Variants in KDM4C observed in about 807,000 individuals in gnomAD.
The protein encoded by KDM4C is lysine-specific demethylase 4C.
A neutral mutation model predicts 129.3 loss-of-function variants in KDM4C; 81 were observed. The ratio of observed to expected loss-of-function variants is 0.63; its 90% CI spans 0.52 to 0.75. The LOEUF (loss-of-function observed/expected upper bound fraction) is 0.75. KDM4C is among the 30% of genes least tolerant of loss of function. The pLI, the probability that KDM4C is intolerant of heterozygous loss-of-function variation, is 0.00. For missense variants in KDM4C, 1,457 were observed against 1,304.0 expected (o/e 1.12, Z -1.81); for synonymous variants, 573 against 456.1 (o/e 1.26, Z -3.26).
intron 19 of KDM4C, among the ~76,000 whole-genome samples, chr9:7,163,465 G>A (rs1844025261): frequency 6.6e-6 from 1 of 152,070 alleles, no homozygotes; most frequent in African/African-American, 2.4e-5. Flanking sequence ...CTAAGAGGGG[G>A]TGAAGATGAG....
intron 4 of KDM4C, among the ~76,000 whole-genome samples, chr9:6,845,319 A>G (rs147781891): frequency 6.6e-6 from 1 of 152,148 alleles, no homozygotes; most frequent in East Asian, 1.9e-4. Flanking sequence ...GGCTCAATTG[A>G]TCCTCCCATC....
chr9:6,754,880 TAAAA>T (rs58382779), upstream of KDM4C, among the ~76,000 whole-genome samples: 5,532 of 83,232 alleles, frequency 0.066, 92 homozygotes, highest in Non-Finnish European at 0.081. Flanking sequence ...TGTCTCAAAG[TAAAA>T]AAAAAAAAAA....
intron 8 of KDM4C, among the ~76,000 whole-genome samples, chr9:6,931,110 C>T (rs185626234): frequency 2.5e-4 from 38 of 152,004 alleles, no homozygotes; most frequent in African/African-American, 8.9e-4. Flanking sequence ...ACTTGGAACC[C>T]TCTCTCTTCT....
At chr9:6,732,574 G>A (rs115432212) in intron 1 of KDM4C, among the ~76,000 whole-genome samples, 2,063 of 152,078 alleles carry the variant, frequency 0.014, 48 homozygotes, top group African/African-American at 0.046. Context: ...GAAGGTTAAG[G>A]AGGGAAGCCA....
chr9:6,827,137 G>A (rs1455688783), intron 4 of KDM4C, among the ~76,000 whole-genome samples: 1 of 152,142 alleles, frequency 6.6e-6, no homozygotes, highest in East Asian at 1.9e-4. Context: ...TCTTGAGATT[G>A]AAGACTTTAT....
intron 19 of KDM4C, among the ~76,000 whole-genome samples, chr9:7,147,634 C>T (rs1480402394): frequency 2.6e-5 from 4 of 152,024 alleles, no homozygotes; most frequent in Non-Finnish European, 4.4e-5. Context: ...AGTTAAAGTC[C>T]TGGGGTGTTC....
At chr9:6,757,685 A>C, upstream of KDM4C, 1 of 985,470 alleles carries the variant, frequency 1.0e-6, no homozygotes, top group Non-Finnish European at 1.2e-6. Context: ...TGGCGCGTGG[A>C]CTACATCAGG....
intron 4 of KDM4C, among the ~76,000 whole-genome samples, chr9:6,828,773 A>AG (rs1564106960): frequency 6.6e-6 from 1 of 152,112 alleles, no homozygotes; most frequent in Non-Finnish European, 1.5e-5. Context: ...CAGGAGGCTG[A>AG]GGCAGGAGAA....
intron 1 of KDM4C, among the ~76,000 whole-genome samples, chr9:6,779,949 T>G (rs2130748467): frequency 6.6e-6 from 1 of 152,324 alleles, no homozygotes; most frequent in Admixed American, 6.5e-5. Flanking sequence ...TTTGTAGCAC[T>G]GAATGCAATT....
intron 1 of KDM4C, among the ~76,000 whole-genome samples, chr9:6,732,627 G>T (rs1817388455): frequency 6.6e-6 from 1 of 152,114 alleles, no homozygotes; most frequent in Non-Finnish European, 1.5e-5. Flanking sequence ...AATGGTGAAG[G>T]TCACACAGGT....
At chr9:7,135,759 A>G (rs893747102) in intron 19 of KDM4C, among the ~76,000 whole-genome samples, 10 of 152,212 alleles carry the variant, frequency 6.6e-5, no homozygotes, top group African/African-American at 1.9e-4. Flanking sequence ...TTTTTCAGCT[A>G]TGGGATCTTG....
chr9:7,005,295 C>T (rs529734180), intron 12 of KDM4C, among the ~76,000 whole-genome samples: 6 of 151,998 alleles, frequency 3.9e-5, no homozygotes, highest in East Asian at 3.9e-4. Flanking sequence ...GTTAGCCGGG[C>T]GTGGTGGCGC....
intron 12 of KDM4C, among the ~76,000 whole-genome samples, chr9:6,994,403 T>A (rs1316361433): frequency 6.6e-6 from 1 of 152,198 alleles, no homozygotes; most frequent in Non-Finnish European, 1.5e-5. Flanking sequence ...CAATCCCTTG[T>A]CACCACTCAC....
intron 1 of KDM4C, among the ~76,000 whole-genome samples, chr9:6,731,560 G>T (rs1817336162): frequency 6.6e-6 from 1 of 151,836 alleles, no homozygotes; most frequent in Non-Finnish European, 1.5e-5. Flanking sequence ...TCGAACTCCT[G>T]ACCTCAGGTG....
At chr9:6,980,541 T>A (rs1010473948) in intron 8 of KDM4C, among the ~76,000 whole-genome samples, 7 of 152,212 alleles carry the variant, frequency 4.6e-5, no homozygotes, top group African/African-American at 1.4e-4. Context: ...TTCATTGGGT[T>A]ATTTTATTTG....
chr9:7,051,199 T>C (rs911083686), intron 17 of KDM4C, among the ~76,000 whole-genome samples: 1 of 152,180 alleles, frequency 6.6e-6, no homozygotes, highest in African/African-American at 2.4e-5. Context: ...GTAGTAGTTA[T>C]CTTTAGTGGA....
chr9:6,933,508 C>T (rs778097827), intron 8 of KDM4C, among the ~76,000 whole-genome samples: 2 of 152,194 alleles, frequency 1.3e-5, no homozygotes, highest in Non-Finnish European at 2.9e-5. Flanking sequence ...GAACAGTATT[C>T]TTCCCCTGGG....
In KDM4C at chr9:7,013,777, A is replaced by C. The variant is rs185748655; in HGVS notation, c.1969-11A>C. ...TGTTTTTCACTCATGTGGAAACGTTATGTTTTTCAGCCAGATAGCAGCAAT... is the reference window on the plus strand; with the variant it reads ...TGTTTTTCACTCATGTGGAAACGTTCTGTTTTTCAGCCAGATAGCAGCAAT... On this transcript the variant is annotated splice_polypyrimidine_tract_variant and intron_variant, in intron 13 of 21. Transcript: ENST00000381309. 3 of 1,612,822 alleles carry C rather than the reference A, an allele frequency of 1.9e-6. No homozygotes were observed. Among genetic ancestry groups the C allele is most frequent in the Non-Finnish European group, 2.5e-6 (3 of 1,179,274 alleles).
At chr9:7,156,549 C>T (rs997095288) in intron 19 of KDM4C, among the ~76,000 whole-genome samples, 11 of 152,152 alleles carry the variant, frequency 7.2e-5, no homozygotes, top group Non-Finnish European at 1.5e-4. Flanking sequence ...AGGAAGGGAT[C>T]CAGTTTCAGC....
Sources: gnomAD v4.1 joint callset for allele counts (sites outside exome capture counted in the v4.1 genomes callset) on GRCh38, gnomAD v4.1.1 for gene constraint, MANE v1.5 for transcripts, NCBI Gene and HGNC (gene_info 2026-07-23, HGNC 2026-07-21) for gene names.